NXN: variants seen among roughly 807,000 people sequenced by gnomAD.
The protein encoded by NXN is nucleoredoxin 1.
A neutral mutation model predicts 48.6 loss-of-function variants in NXN; 16 were observed. The ratio of observed to expected loss-of-function variants is 0.33; its 90% CI spans 0.22 to 0.50. NXN has a LOEUF of 0.50. Ranked by LOEUF, NXN falls within the 20% of genes least tolerant of loss-of-function variation. The pLI is 0.98. For synonymous variants in NXN, 281 were observed against 269.6 expected, an observed-to-expected ratio of 1.04 and a Z score of -0.41; for missense variants, 492 against 605.5, an observed-to-expected ratio of 0.81 and a Z score of 1.97.
At chr17:805,654 T>C (rs773825854) in intron 5 of NXN, among the ~76,000 whole-genome samples, 23 of 145,620 alleles carry the variant, frequency 1.6e-4, no homozygotes, top group Non-Finnish European at 2.6e-4. Context: ...CTGGCCAACA[T>C]GGTGAAACCC....
At chr17:972,338 G>T (rs943342648) in intron 1 of NXN, among the ~76,000 whole-genome samples, 1 of 152,050 alleles carries the variant, frequency 6.6e-6, no homozygotes, top group Non-Finnish European at 1.5e-5. Flanking sequence ...TTAGCCAGGC[G>T]TGGTGGCTGG....
At chr17:948,759 T>C (rs2069075213) in intron 1 of NXN, among the ~76,000 whole-genome samples, 1 of 150,966 alleles carries the variant, frequency 6.6e-6, no homozygotes, top group Admixed American at 6.6e-5. Context: ...TCTCAGATGG[T>C]ACTAAATCCA....
At chr17:955,410 T>C (rs1374139657) in intron 1 of NXN, among the ~76,000 whole-genome samples, 2 of 150,850 alleles carry the variant, frequency 1.3e-5, no homozygotes, top group African/African-American at 2.4e-5. Flanking sequence ...CCTCAGGTGA[T>C]CCACCCGCCT....
intron 1 of NXN, among the ~76,000 whole-genome samples, chr17:950,294 A>T (rs2069094491): frequency 6.6e-6 from 1 of 152,166 alleles, no homozygotes; most frequent in Non-Finnish European, 1.5e-5. Context: ...TTATACAAGA[A>T]AGGGATTCGG....
chr17:860,691 G>A (rs1269087243), intron 1 of NXN, among the ~76,000 whole-genome samples: 1 of 152,302 alleles, frequency 6.6e-6, no homozygotes, highest in Admixed American at 6.5e-5. Context: ...GCCGCGCCCG[G>A]CCTGCATAGT....
At chr17:971,519 G>A (rs1453087631) in intron 1 of NXN, among the ~76,000 whole-genome samples, 1 of 151,524 alleles carries the variant, frequency 6.6e-6, no homozygotes, top group African/African-American at 2.4e-5. Flanking sequence ...GACCATCCTG[G>A]CTAACACGGT....
At chr17:847,812 A>G (rs2067881069) in intron 1 of NXN, among the ~76,000 whole-genome samples, 1 of 152,340 alleles carries the variant, frequency 6.6e-6, no homozygotes, top group Non-Finnish European at 1.5e-5. Flanking sequence ...GATGAAATTC[A>G]AGACAGATGT....
At chr17:829,635 C>G (rs1274113469) in intron 1 of NXN, among the ~76,000 whole-genome samples, 1 of 152,000 alleles carries the variant, frequency 6.6e-6, no homozygotes, top group Admixed American at 6.6e-5. Flanking sequence ...CCCCACCTGC[C>G]AACAGGCCCC....
chr17:852,996 G>A lies in NXN; in HGVS notation c.361-26918C>T, dbSNP rs902023907. The stretch of plus-strand genomic sequence containing the variant: ...GTGTAAATTTTTTCTTTTTTTTTTT[G>A]AGACAGAGTCTCACTTTATCACCCA... On this transcript the variant is annotated intron_variant, in intron 1 of 7. Coordinates refer to ENST00000336868, the MANE Select transcript of NXN (RefSeq NM_022463.5). Among the ~76,000 whole-genome samples the A allele has an allele frequency of 2.7e-5, 4 of 147,592 alleles. No homozygotes were observed. In the Admixed American group the frequency reaches 2.7e-4, roughly 10 times the overall value.
At chr17:818,088 A>C (rs1912584458) in intron 5 of NXN, among the ~76,000 whole-genome samples, 3 of 151,762 alleles carry the variant, frequency 2.0e-5, no homozygotes, top group African/African-American at 7.3e-5. Context: ...GCAAAACTTC[A>C]TCTCTACTAA....
chr17:815,643 T>C (rs373795733), intron 5 of NXN, among the ~76,000 whole-genome samples: 4 of 149,538 alleles, frequency 2.7e-5, no homozygotes, highest in East Asian at 2.0e-4. Context: ...TTGAAGGCGA[T>C]GAGGCACCCA....
chr17:973,741 C>A (rs951320057), intron 1 of NXN, among the ~76,000 whole-genome samples: 21 of 151,756 alleles, frequency 1.4e-4, no homozygotes, highest in Admixed American at 7.9e-4. Context: ...GTGCCGTGGC[C>A]CGATCTCAGC....
chr17:892,734 AT>A (rs904815333), intron 1 of NXN, among the ~76,000 whole-genome samples: 49 of 152,336 alleles, frequency 3.2e-4, no homozygotes, highest in African/African-American at 1.1e-3. Flanking sequence ...ACAATCGAAA[AT>A]GGTTCCAGAA....
intron 1 of NXN, among the ~76,000 whole-genome samples, chr17:963,240 C>CACACACA (rs1567522095): frequency 6.8e-6 from 1 of 147,872 alleles, no homozygotes; most frequent in Admixed American, 6.6e-5. Flanking sequence ...CACACACACA[C>CACACACA]CCCTTTCATT....
rs1911135977 is a variant in NXN, at chr17:800,327, T to C, written c.*622A>G. The C allele has an allele frequency of 6.6e-6, 1 of 152,182 alleles. No individual in the cohort carries two copies. Among genetic ancestry groups the C allele is most frequent in the Non-Finnish European group, 1.5e-5 (1 of 68,030 alleles). The allele number at this position is 152,182 out of a possible 1,614,324, so 9.4% of individuals were successfully genotyped here. ...AGAATTTCAGGATCGTGGGAGCTGT[T>C]TGTATGATATGAACCATTACCTTAG... On this transcript the variant is annotated 3_prime_UTR_variant, in exon 8 of 8. Transcript: ENST00000336868.
chr17:898,166 G>A (rs934014053), intron 1 of NXN, among the ~76,000 whole-genome samples: 7 of 152,090 alleles, frequency 4.6e-5, no homozygotes, highest in African/African-American at 9.7e-5. Context: ...AGCACTTGGC[G>A]GCTGGATGGT....
chr17:936,196 C>T (rs573573790), intron 1 of NXN, among the ~76,000 whole-genome samples: 3 of 151,962 alleles, frequency 2.0e-5, no homozygotes, highest in African/African-American at 4.8e-5. Flanking sequence ...CCACTCGATT[C>T]AACCTATGGA....
In NXN at chr17:978,959, G is replaced by A. The variant is rs2150650394; in HGVS notation, c.360+360C>T. On this transcript the variant is annotated intron_variant, in intron 1 of 7. Coordinates refer to ENST00000336868, the MANE Select transcript of NXN (RefSeq NM_022463.5). This position sits in a 1 kb window ranked among gnomAD's most constrained non-coding sequence, Gnocchi z 4.1. ...GGAACCGGGATCCCCGAGCGCAGCC[G>A]CCCCCACCCGAGGCTCCCAGCGTGT... Among the ~76,000 whole-genome samples the A allele has an allele frequency of 6.6e-6, 1 of 150,954 alleles. No individual in the cohort carries two copies. Among genetic ancestry groups the A allele is most frequent in the African/African-American group, 2.4e-5 (1 of 41,142 alleles).
chr17:930,288 A>C (rs1312428150), intron 1 of NXN: 1 of 152,130 alleles, frequency 6.6e-6, no homozygotes, highest in African/African-American at 2.4e-5. Context: ...TACAAAAATT[A>C]GCCAGTGTGA....
Sources: gnomAD v4.1 joint callset for allele counts (sites outside exome capture counted in the v4.1 genomes callset) on GRCh38, gnomAD v4.1.1 for gene constraint, Gnocchi (gnomAD v3.1) non-coding constraint, MANE v1.5 for transcripts, NCBI Gene and HGNC (gene_info 2026-07-23, HGNC 2026-07-21) for gene names.